CBFA2T2: variants seen among roughly 807,000 people sequenced by gnomAD.
CBFA2T2 encodes the protein protein CBFA2T2.
CBFA2T2 carries 11 observed loss-of-function variants against 62.2 expected under a neutral mutation model. The observed-to-expected ratio is 0.18, with a 90% CI of 0.11 to 0.29. The LOEUF (loss-of-function observed/expected upper bound fraction) is 0.29, where lower values mean the gene tolerates loss of function less well. Ranked by LOEUF, CBFA2T2 falls within the 10% of genes least tolerant of loss-of-function variation. The pLI, the probability that CBFA2T2 is intolerant of heterozygous loss-of-function variation, is 1.00. For missense variants in CBFA2T2, 592 were observed against 774.1 expected, an observed-to-expected ratio of 0.76 and a Z score of 2.79; for synonymous variants, 295 against 287.5, an observed-to-expected ratio of 1.03 and a Z score of -0.27.
At chr20:33,631,688 C>G (rs1201048971) in intron 8 of CBFA2T2, among the ~76,000 whole-genome samples, 2 of 152,198 alleles carry the variant, frequency 1.3e-5, no homozygotes, top group Non-Finnish European at 2.9e-5. Context: ...CTGAGACAGT[C>G]CAGTTTATAC....
chr20:33,637,319 A>G (rs1259867542), intron 9 of CBFA2T2, among the ~76,000 whole-genome samples: 2 of 152,176 alleles, frequency 1.3e-5, no homozygotes, highest in African/African-American at 4.8e-5. Context: ...TTTAAGTCCA[A>G]TACAACTTTT....
chr20:33,510,222 T>C (rs1193858667), intron 1 of CBFA2T2, among the ~76,000 whole-genome samples: 1 of 151,514 alleles, frequency 6.6e-6, no homozygotes, highest in Non-Finnish European at 1.5e-5. Context: ...TTGTTTTTTT[T>C]TTTTTGGAGA....
At chr20:33,502,363 C>A (rs2011300723) in intron 1 of CBFA2T2, among the ~76,000 whole-genome samples, 1 of 152,024 alleles carries the variant, frequency 6.6e-6, no homozygotes, top group Non-Finnish European at 1.5e-5. Flanking sequence ...TTTTGACACA[C>A]CAAAAAGGTG....
At chr20:33,640,187 A>G (rs1415055399) in intron 9 of CBFA2T2, among the ~76,000 whole-genome samples, 154 bp from the exon 10 acceptor site, 1 of 152,208 alleles carries the variant, frequency 6.6e-6, no homozygotes, top group Non-Finnish European at 1.5e-5. Flanking sequence ...CAGCACCTGC[A>G]TGGATGGACA....
intron 8 of CBFA2T2, among the ~76,000 whole-genome samples, chr20:33,633,862 C>T (rs2016537899): frequency 6.6e-6 from 1 of 152,064 alleles, no homozygotes; most frequent in African/African-American, 2.4e-5. Flanking sequence ...TTCCTGAACT[C>T]AGGCTTATGA....
chr20:33,496,001 C>T (rs1379601447), intron 1 of CBFA2T2, among the ~76,000 whole-genome samples: 2 of 152,146 alleles, frequency 1.3e-5, no homozygotes, highest in Admixed American at 6.6e-5. Flanking sequence ...CTTAGGGTCT[C>T]AGTCTAGGAG....
chr20:33,583,962 A>G (rs1026530402), intron 1 of CBFA2T2, among the ~76,000 whole-genome samples: 3 of 151,522 alleles, frequency 2.0e-5, no homozygotes, highest in East Asian at 1.9e-4. Context: ...TTATTTATTT[A>G]TTTGAGACAG....
At chr20:33,562,003 G>A (rs1234260782) in intron 1 of CBFA2T2, among the ~76,000 whole-genome samples, 2 of 152,070 alleles carry the variant, frequency 1.3e-5, no homozygotes, top group Non-Finnish European at 2.9e-5. Flanking sequence ...ATTTTAAGAA[G>A]GAATTTGTTA....
At chr20:33,581,504 G>C (rs1349610843) in intron 1 of CBFA2T2, among the ~76,000 whole-genome samples, 1 of 151,478 alleles carries the variant, frequency 6.6e-6, no homozygotes, top group African/African-American at 2.4e-5. Context: ...GTGTGTGTCT[G>C]TGTGTTTGTC....
chr20:33,612,639 A>G (rs1042820797), intron 3 of CBFA2T2, among the ~76,000 whole-genome samples: 9 of 152,248 alleles, frequency 5.9e-5, no homozygotes, highest in Non-Finnish European at 1.2e-4. Flanking sequence ...TGGAAAATAC[A>G]GATTTTAAAA....
intron 3 of CBFA2T2, among the ~76,000 whole-genome samples, chr20:33,618,189 G>A (rs201510369): frequency 1.4e-5 from 1 of 71,628 alleles, no homozygotes. Context: ...TTTTTTTTTT[G>A]TTAGGAAAAT....
chr20:33,635,465 G>A (rs768979785), intron 8 of CBFA2T2, among the ~76,000 whole-genome samples: 7 of 152,192 alleles, frequency 4.6e-5, no homozygotes, highest in Admixed American at 6.5e-5. Flanking sequence ...CCTAGAAAGC[G>A]CCCAGTCCAC....
At chr20:33,504,521 A>C (rs2011367188) in intron 1 of CBFA2T2, among the ~76,000 whole-genome samples, 1 of 149,062 alleles carries the variant, frequency 6.7e-6, no homozygotes. Flanking sequence ...CTCCTGCCTC[A>C]GTCTGCCGAG....
At chr20:33,567,671 C>G (rs2146899077) in intron 1 of CBFA2T2, among the ~76,000 whole-genome samples, 1 of 152,036 alleles carries the variant, frequency 6.6e-6, no homozygotes, top group East Asian at 1.9e-4. Context: ...CAACCTCCGC[C>G]TCTCAGGTTC....
intron 2 of CBFA2T2, among the ~76,000 whole-genome samples, chr20:33,608,492 T>A (rs2015414122): frequency 6.6e-6 from 1 of 152,240 alleles, no homozygotes; most frequent in African/African-American, 2.4e-5. Flanking sequence ...TTCCAAAACA[T>A]TTGAAATGGA....
intron 1 of CBFA2T2, among the ~76,000 whole-genome samples, chr20:33,593,341 A>C (rs1321183557): frequency 6.6e-6 from 1 of 151,956 alleles, no homozygotes; most frequent in Non-Finnish European, 1.5e-5. Context: ...AAAACAAAAA[A>C]CAAAAAAAAC....
intron 1 of CBFA2T2, among the ~76,000 whole-genome samples, chr20:33,579,524 C>T (rs958649685): frequency 2.7e-5 from 4 of 148,592 alleles, no homozygotes; most frequent in South Asian, 2.1e-4. Flanking sequence ...TTTTATGGTC[C>T]GGGGTATTAT....
intron 1 of CBFA2T2, among the ~76,000 whole-genome samples, chr20:33,549,972 G>C (rs2012692629): frequency 6.7e-6 from 1 of 149,414 alleles, no homozygotes; most frequent in African/African-American, 2.5e-5. Flanking sequence ...ACACATCAAA[G>C]ACAGCATCCT....
intron 9 of CBFA2T2, 119 bp downstream of exon 9, chr20:33,636,827 T>TA (rs2016651261): frequency 1.4e-6 from 1 of 698,144 alleles, no homozygotes; most frequent in African/African-American, 1.8e-5. Context: ...TTGCTCCTCA[T>TA]AGAGCTCTAG....
Sources: allele counts gnomAD v4.1 joint callset (sites outside exome capture counted in the v4.1 genomes callset), GRCh38; gene constraint gnomAD v4.1.1; transcripts MANE v1.5; gene names NCBI Gene and HGNC (gene_info 2026-07-23, HGNC 2026-07-21).